Variants in SCN8A observed in about 807,000 individuals in gnomAD.
SCN8A encodes sodium voltage-gated channel alpha subunit 8.
In SCN8A, 30 loss-of-function variants were observed where a neutral mutation model predicts 184.1. The observed-to-expected ratio is 0.16, with a 90% confidence interval of 0.12 to 0.22. SCN8A has a LOEUF of 0.22. Ranked by LOEUF, SCN8A falls within the 10% of genes least tolerant of loss-of-function variation. The pLI, the probability that SCN8A is intolerant of heterozygous loss-of-function variation, is 1.00. For missense variants in SCN8A, 1,057 were observed against 2,498.9 expected, an observed-to-expected ratio of 0.42 and a Z score of 12.30; for synonymous variants, 852 against 907.0, an observed-to-expected ratio of 0.94 and a Z score of 1.09.
At chr12:51,663,824 C>CT (rs1012478202) in intron 2 of SCN8A, among the ~76,000 whole-genome samples, 46 of 151,766 alleles carry the variant, frequency 3.0e-4, no homozygotes, top group African/African-American at 1.1e-3. Flanking sequence ...ACAAAGCCTC[C>CT]TGGGTGATCC....
chr12:51,774,160 G>A, intron 19 of SCN8A, 29 bp from the exon 20 acceptor site: 1 of 1,610,664 alleles, frequency 6.2e-7, no homozygotes, highest in Non-Finnish European at 8.5e-7. Context: ...TTTAGGCACT[G>A]TCATAGGCAG....
chr12:51,630,749 TC>T (rs1940180043), intron 1 of SCN8A, among the ~76,000 whole-genome samples: 1 of 151,992 alleles, frequency 6.6e-6, no homozygotes, highest in African/African-American at 2.4e-5. Flanking sequence ...TATATCTCCC[TC>T]CTAGTATAAG....
At chr12:51,769,722 A>T (rs1942893614) in intron 17 of SCN8A, 146 bp from the exon 18 acceptor site, 8 of 653,180 alleles carry the variant, frequency 1.2e-5, no homozygotes, top group Admixed American at 7.7e-5. Flanking sequence ...GGGCCCGTGG[A>T]TATGGTTTGC....
chr12:51,671,895 C>T (rs1039319906), intron 2 of SCN8A, among the ~76,000 whole-genome samples: 2 of 152,150 alleles, frequency 1.3e-5, no homozygotes, highest in Admixed American at 6.5e-5. Context: ...ATTCCAGACA[C>T]TGTTGAGCCT....
intron 1 of SCN8A, among the ~76,000 whole-genome samples, chr12:51,613,086 GT>G (rs1252790070): frequency 2.6e-5 from 4 of 152,088 alleles, no homozygotes; most frequent in Non-Finnish European, 4.4e-5. Context: ...TTGGTCTGTA[GT>G]TTTGTTTTTT....
intron 11 of SCN8A, among the ~76,000 whole-genome samples, chr12:51,710,592 G>A (rs957790173): frequency 3.3e-5 from 5 of 152,144 alleles, no homozygotes; most frequent in Non-Finnish European, 5.9e-5. Context: ...ATGGGAGGTT[G>A]AAGCTGCAGT....
At chr12:51,721,108 A>ATATATATATATATATATATAT (rs1565899430) in intron 11 of SCN8A, among the ~76,000 whole-genome samples, 1 of 103,048 alleles carries the variant, frequency 9.7e-6, no homozygotes, top group East Asian at 2.4e-4. Context: ...TATATATATA[A>ATATATATATATATATATATAT]TATTTATTTA....
Position 51,762,497 on chromosome 12 carries a change from A to G in SCN8A, c.2371-6A>G, listed in dbSNP as rs187002252. On this transcript the variant is annotated splice_region_variant and splice_polypyrimidine_tract_variant and intron_variant, in intron 14 of 26. Transcript: ENST00000627620. ...TTTTTCTTACCCCCTGCATCCCCCT[A>G]TTTAGGTTTTCACTGGAATTTTCAC... is the stretch of plus-strand genomic sequence containing the variant. 787 of 1,612,584 alleles carry G rather than the reference A, an allele frequency of 4.9e-4. 5 individuals are homozygous for G. The East Asian group carries it at 0.013, about 27-fold the overall frequency.
intron 1 of SCN8A, among the ~76,000 whole-genome samples, chr12:51,651,809 C>T (rs1196639491): frequency 6.6e-6 from 1 of 152,212 alleles, no homozygotes; most frequent in Non-Finnish European, 1.5e-5. Context: ...CCAGATTCAA[C>T]ACTGAGAGCT....
intron 1 of SCN8A, among the ~76,000 whole-genome samples, chr12:51,645,950 T>TA (rs35944797): frequency 1.4e-4 from 2 of 14,040 alleles, no homozygotes; most frequent in Admixed American, 1.1e-3. Flanking sequence ...AATGATCAAT[T>TA]AAAAAAAAAA....
At chr12:51,736,045 G>A (rs1278484048) in intron 12 of SCN8A, among the ~76,000 whole-genome samples, 1 of 152,166 alleles carries the variant, frequency 6.6e-6, no homozygotes, top group Non-Finnish European at 1.5e-5. Context: ...AGGTTCAGTT[G>A]CATTTGTGGG....
At chr12:51,758,187 C>T (rs1942706442) in intron 14 of SCN8A, among the ~76,000 whole-genome samples, 1 of 152,094 alleles carries the variant, frequency 6.6e-6, no homozygotes. Flanking sequence ...ACCAGACATG[C>T]AGCTCATCCC....
chr12:51,693,656 A>G (rs1389907327), intron 6 of SCN8A, among the ~76,000 whole-genome samples: 8 of 152,156 alleles, frequency 5.3e-5, no homozygotes, highest in Non-Finnish European at 1.0e-4. Flanking sequence ...CTTAATGAAT[A>G]AATAAATAAA....
At chr12:51,670,361 A>T (rs1301787558) in intron 2 of SCN8A, among the ~76,000 whole-genome samples, 1 of 152,182 alleles carries the variant, frequency 6.6e-6, no homozygotes, top group East Asian at 1.9e-4. Flanking sequence ...AATTCCTCCA[A>T]TCTAGAAAAT....
At chr12:51,606,963 TCTCAGCTCACTGCAAC>T (rs1435677758) in intron 1 of SCN8A, among the ~76,000 whole-genome samples, 1 of 151,774 alleles carries the variant, frequency 6.6e-6, no homozygotes, top group Non-Finnish European at 1.5e-5. Context: ...AGTGGCACGA[TCTCAGCTCACTGCAAC>T]CTCTGCCTCC....
intron 1 of SCN8A, among the ~76,000 whole-genome samples, chr12:51,598,609 A>G (rs1347468512): frequency 1.3e-5 from 2 of 152,148 alleles, no homozygotes; most frequent in East Asian, 3.9e-4. Context: ...TTTCTCTTCC[A>G]TTGTCTTGAA....
At chr12:51,604,055 A>G (rs1939529481) in intron 1 of SCN8A, among the ~76,000 whole-genome samples, 1 of 152,132 alleles carries the variant, frequency 6.6e-6, no homozygotes, top group African/African-American at 2.4e-5. Flanking sequence ...ATAGAGCTAA[A>G]GTTTTAAATT....
chr12:51,773,107 A>G (rs987858826), intron 19 of SCN8A, among the ~76,000 whole-genome samples: 4 of 149,230 alleles, frequency 2.7e-5, no homozygotes, highest in Non-Finnish European at 5.9e-5. Flanking sequence ...ACTGAGCGAG[A>G]CTCCGTCTCC....
At chr12:51,761,028 A>G (rs968434927) in intron 14 of SCN8A, among the ~76,000 whole-genome samples, 3 of 152,220 alleles carry the variant, frequency 2.0e-5, no homozygotes, top group African/African-American at 7.2e-5. Flanking sequence ...AAACTTGGTA[A>G]ACAGGTAGTT....
Sources: allele counts gnomAD v4.1 joint callset (sites outside exome capture counted in the v4.1 genomes callset), GRCh38; gene constraint gnomAD v4.1.1; transcripts MANE v1.5; gene names NCBI Gene and HGNC (gene_info 2026-07-23, HGNC 2026-07-21).